ZNF587: variants seen among roughly 807,000 people sequenced by gnomAD.
ZNF587 encodes zinc finger protein 587.
In ZNF587, 8 loss-of-function variants were observed where a neutral mutation model predicts 7.5. The observed-to-expected ratio is 1.06, with a 90% CI of 0.62 to 1.92. The LOEUF (loss-of-function observed/expected upper bound fraction) is 1.92. ZNF587 is among the 40% of genes most tolerant of loss of function. The pLI is 0.00. For missense variants in ZNF587, 468 were observed against 692.8 expected (o/e 0.68, Z 3.64); for synonymous variants, 145 against 237.8 (o/e 0.61, Z 3.59).
In ZNF587 at chr19:57,860,106, A is replaced by G. The variant is rs150540100; in HGVS notation, c.1694A>G (p.His565Arg). ...KTFQRSSTLLHHQSSHRRKAL is the reference protein window; with the variant it reads ...KTFQRSSTLLRHQSSHRRKAL ...TTTCAGCGAAGCTCTACCCTCCTTC[A>G]TCATCAGAGTTCACACAGGAGAAAG... Residue 565 changes from histidine (H) to arginine (R), a missense_variant, in exon 3 of 3, where the codon CAT (histidine) becomes CGT (arginine). This residue lies in a region of ZNF587 where 310 missense variants were observed against 325.6 expected (regional missense o/e 0.95). Transcript: ENST00000339656. 5.9e-4 allele frequency: 958 copies of G among 1,613,190 alleles called. No homozygotes were observed. The highest frequency in any genetic ancestry group is 1.2e-3 in the Admixed American group (69 of 59,948).
rs1278081509 is a variant in ZNF587, at chr19:57,859,961, C to T, written c.1549C>T (p.Gln517Ter). Residue 517 changes from glutamine to a stop codon, truncating the protein, a stop_gained, in exon 3 of 3, where the codon CAA becomes TAA. Transcript: ENST00000339656. LOFTEE classifies it low-confidence loss of function (END_TRUNC). Reference protein sequence around the residue: ...LHVHKRVHSGQKPYKCSECGK... With the variant: ...LHVHKRVHSG ...TGTTCATAAAAGAGTTCATTCTGGACAAAAGCCTTATAAGTGCAGTGAATG... is the reference window on the plus strand; with the variant it reads ...TGTTCATAAAAGAGTTCATTCTGGATAAAAGCCTTATAAGTGCAGTGAATG... 1.9e-6 allele frequency: 3 copies of T among 1,613,772 alleles called. No homozygotes were observed. Among genetic ancestry groups the T allele is most frequent in the Non-Finnish European group, 2.5e-6 (3 of 1,179,964 alleles).
At chr19:57,853,614 GAC>G (rs1380444436) in intron 1 of ZNF587, among the ~76,000 whole-genome samples, 7 of 152,244 alleles carry the variant, frequency 4.6e-5, no homozygotes, top group East Asian at 3.9e-4. Context: ...ATCATAACAG[GAC>G]ATTTAATACA....
Position 57,862,586 on chromosome 19 carries a change from C to G in ZNF587, c.*2446C>G, listed in dbSNP as rs190768316. Reference sequence around the variant, plus strand: ...TCTCAGCAAGGTGAGATTATGGAATCCAGAATCTTTTTTCAGGGGTCACAT... The same window carrying G: ...TCTCAGCAAGGTGAGATTATGGAATGCAGAATCTTTTTTCAGGGGTCACAT... On this transcript the variant is annotated 3_prime_UTR_variant, in exon 3 of 3. Transcript: ENST00000339656. The G allele has an allele frequency of 2.0e-3, 316 of 154,912 alleles. No individual in the cohort carries two copies. Among genetic ancestry groups the G allele is most frequent in the Admixed American group, 4.6e-3 (71 of 15,284 alleles). The allele number at this position is 154,912 out of a possible 1,614,324, so 9.6% of individuals were successfully genotyped here.
chr19:57,853,131 G>A (rs548846220), intron 1 of ZNF587, among the ~76,000 whole-genome samples: 1 of 152,286 alleles, frequency 6.6e-6, no homozygotes, highest in African/African-American at 2.4e-5. Context: ...GGGATTATAG[G>A]CACGAGCCAC....
At chr19:57,852,208 A>T (rs58981917) in intron 1 of ZNF587, 3 of 395,270 alleles carry the variant, frequency 7.6e-6, no homozygotes, top group African/African-American at 6.2e-5. Context: ...CAAGTCCATG[A>T]CAGGTTATAT....
intron 1 of ZNF587, among the ~76,000 whole-genome samples, chr19:57,854,419 G>C (rs1401426323): frequency 3.3e-5 from 5 of 152,062 alleles, no homozygotes; most frequent in Admixed American, 2.0e-4. Context: ...GATGCTATTT[G>C]TATTTGTCAA....
chr19:57,855,960 A>G, intron 1 of ZNF587, 144 bp from the exon 2 acceptor site: 5 of 1,406,828 alleles, frequency 3.6e-6, no homozygotes, highest in African/African-American at 1.4e-5. Context: ...AGGCCCATGA[A>G]GAGACAAAGG....
Position 57,850,044 on chromosome 19 carries a change from A to G in ZNF587, c.6A>G (p.Ala2=), listed in dbSNP as rs765650299. M[A]AAVPRRPTQQ... ...GTGCTTCCCCAAGTAGTCCGATGGC[A>G]GCGGCTGTGCCGAGGCGCCCAACTC... Residue 2 remains alanine, a synonymous_variant, in exon 1 of 3, where the codon GCA becomes GCG. Coordinates refer to ENST00000339656, the MANE Select transcript of ZNF587 (RefSeq NM_032828.4). The G allele has an allele frequency of 6.2e-7, 1 of 1,614,122 alleles. No homozygotes were observed. Among genetic ancestry groups the G allele is most frequent in the Non-Finnish European group, 8.5e-7 (1 of 1,180,046 alleles).
In ZNF587 at chr19:57,864,934, A is replaced by G. The variant is rs940018602; in HGVS notation, c.*4794A>G. On this transcript the variant is annotated 3_prime_UTR_variant, in exon 3 of 3. Transcript: ENST00000339656. ...AGAGTGAGATCCTGCCTCAAAAAAA[A>G]CAAAAAAATTCTTTATTTTCTCCAT... is the stretch of plus-strand genomic sequence containing the variant. The G allele has an allele frequency of 6.6e-6, 1 of 152,192 alleles. No individual in the cohort carries two copies. Among genetic ancestry groups the G allele is most frequent in the Non-Finnish European group, 1.5e-5 (1 of 68,042 alleles). 9.4% of individuals were successfully genotyped at this position (152,192 alleles called of 1,614,324 possible).
In ZNF587 at chr19:57,849,901, G is replaced by A. The variant is rs769811775; in HGVS notation, c.-138G>A. On this transcript the variant is annotated 5_prime_UTR_variant, in exon 1 of 3. The change creates a new upstream start codon in the 5' untranslated region. Coordinates refer to ENST00000339656, the MANE Select transcript of ZNF587 (RefSeq NM_032828.4). Reference sequence around the variant, plus strand: ...GGCGATGCGGGTGTTTCCCCAGTTTGTGGCCCCTGAGTGCTGGGTGGGACC... The same window carrying A: ...GGCGATGCGGGTGTTTCCCCAGTTTATGGCCCCTGAGTGCTGGGTGGGACC... 1 of 1,548,852 alleles carries A rather than the reference G, an allele frequency of 6.5e-7. No homozygotes were observed. Among genetic ancestry groups the A allele is most frequent in the African/African-American group, 1.4e-5 (1 of 73,384 alleles).
Position 57,849,879 on chromosome 19 carries a change from G to T in ZNF587, c.-160G>T, listed in dbSNP as rs1248576827. ...TCTCTAGTAGCGGCTGTGTATCGGC[G>T]ATGCGGGTGTTTCCCCAGTTTGTGG... On this transcript the variant is annotated 5_prime_UTR_variant, in exon 1 of 3. Coordinates refer to ENST00000339656, the MANE Select transcript of ZNF587 (RefSeq NM_032828.4). 1 of 1,505,108 alleles carries T rather than the reference G, an allele frequency of 6.6e-7. No individual in the cohort carries two copies. Among genetic ancestry groups the T allele is most frequent in the African/African-American group, 1.4e-5 (1 of 72,104 alleles). The allele number at this position is 1,505,108 out of a possible 1,614,324, so 93.2% of individuals were successfully genotyped here.
Position 57,860,816 on chromosome 19 carries a change from G to T in ZNF587, c.*676G>T, listed in dbSNP as rs1377351927. 1 of 152,876 alleles carries T rather than the reference G, an allele frequency of 6.5e-6. No individual in the cohort carries two copies. Among genetic ancestry groups the T allele is most frequent in the East Asian group, 1.9e-4 (1 of 5,192 alleles). 9.5% of individuals were successfully genotyped at this position (152,876 alleles called of 1,614,324 possible). On this transcript the variant is annotated 3_prime_UTR_variant, in exon 3 of 3. Coordinates refer to ENST00000339656, the MANE Select transcript of ZNF587 (RefSeq NM_032828.4). ...TGTTCATGTAGGTATGTTTCACTAT[G>T]GTAATATGGTGGTGTGCAGTGCCTG...
chr19:57,850,401 G>A (rs1362233553), intron 1 of ZNF587: 3 of 573,890 alleles, frequency 5.2e-6, no homozygotes, highest in Admixed American at 3.2e-5. Flanking sequence ...GGCGGGTAGG[G>A]GCTTGGGAAG....
chr19:57,860,383 C>T lies in ZNF587; in HGVS notation c.*243C>T, dbSNP rs2071419516. 1.6e-6 allele frequency: 1 copy of T among 627,692 alleles called. No homozygotes were observed. The highest frequency in any genetic ancestry group is 2.7e-6 in the Non-Finnish European group (1 of 368,728). The allele number at this position is 627,692 out of a possible 1,614,324, so 38.9% of individuals were successfully genotyped here. A position where few individuals can be genotyped will look rare whatever the true frequency, so the allele number is the denominator to read the frequency against. On this transcript the variant is annotated 3_prime_UTR_variant, in exon 3 of 3. Transcript: ENST00000339656. Reference sequence around the variant, plus strand: ...TCCTGGGTTCATGCAATCCTCCTACCTCAGCCTCCTGAGTAGCTGGGATTA... The same window carrying T: ...TCCTGGGTTCATGCAATCCTCCTACTTCAGCCTCCTGAGTAGCTGGGATTA...
At position 57,860,436 on chromosome 19, in the gene ZNF587, T is replaced by C. The variant is rs1423537214; in HGVS notation, c.*296T>C. The C allele has an allele frequency of 2.3e-6, 1 of 437,310 alleles. No homozygotes were observed. Among genetic ancestry groups the C allele is most frequent in the East Asian group, 4.5e-5 (1 of 22,424 alleles). The allele number at this position is 437,310 out of a possible 1,614,324, so 27.1% of individuals were successfully genotyped here. A position where few individuals can be genotyped will look rare whatever the true frequency, so the allele number is the denominator to read the frequency against. On this transcript the variant is annotated 3_prime_UTR_variant, in exon 3 of 3. Coordinates refer to ENST00000339656, the MANE Select transcript of ZNF587 (RefSeq NM_032828.4). Reference sequence around the variant, plus strand: ...AGTACACACCACCACGCCCAGCTAATTTTTGTGTTTTTAGTGGAGATGGGG... The same window carrying C: ...AGTACACACCACCACGCCCAGCTAACTTTTGTGTTTTTAGTGGAGATGGGG...
At position 57,862,424 on chromosome 19, in the gene ZNF587, CTACT is replaced by C. The variant is rs904882277; in HGVS notation, c.*2290_*2293del. 1 of 152,250 alleles carries C rather than the reference CTACT, an allele frequency of 6.6e-6. No individual in the cohort carries two copies. The highest frequency in any genetic ancestry group is 1.5e-5 in the Non-Finnish European group (1 of 68,052). 9.4% of individuals were successfully genotyped at this position (152,250 alleles called of 1,614,324 possible). A position where few individuals can be genotyped will look rare whatever the true frequency, so the allele number is the denominator to read the frequency against. ...GTGTTCTGAGGCTTTTGTCTTCTAG[CTACT>C]TACTTCATTCTCCATGGGTAACGTC... On this transcript the variant is annotated 3_prime_UTR_variant, in exon 3 of 3. Transcript: ENST00000339656.
At position 57,862,350 on chromosome 19, in the gene ZNF587, AATTATCTCAGAGCTCTG is replaced by A. The variant is rs2071443616; in HGVS notation, c.*2212_*2228del. ...AAGTTCTAGGATAGCCATGAGCTCC[AATTATCTCAGAGCTCTG>A]AGTCCTCTACTCAATACCCATTGAG... On this transcript the variant is annotated 3_prime_UTR_variant, in exon 3 of 3. Transcript: ENST00000339656. 1 of 152,200 alleles carries A rather than the reference AATTATCTCAGAGCTCTG, an allele frequency of 6.6e-6. No homozygotes were observed. Among genetic ancestry groups the A allele is most frequent in the African/African-American group, 2.4e-5 (1 of 41,454 alleles). 9.4% of individuals were successfully genotyped at this position (152,200 alleles called of 1,614,324 possible).
intron 1 of ZNF587, 77 bp downstream of exon 1, chr19:57,850,148 G>A: frequency 6.2e-6 from 10 of 1,613,150 alleles, no homozygotes; most frequent in Non-Finnish European, 8.5e-6. Flanking sequence ...AGCGGCTCCT[G>A]CTCGTGGGTC....
chr19:57,851,616 C>G (rs952749462), intron 1 of ZNF587: 1 of 153,076 alleles, frequency 6.5e-6, no homozygotes, highest in East Asian at 1.9e-4. Context: ...AAGGATGGAA[C>G]CTGGGGTTCA....
Sources: allele counts gnomAD v4.1 joint callset (sites outside exome capture counted in the v4.1 genomes callset), GRCh38; gene constraint gnomAD v4.1.1; regional missense constraint gnomAD v4.1.1; transcripts MANE v1.5; gene names NCBI Gene and HGNC (gene_info 2026-07-23, HGNC 2026-07-21).